GRID2: variants seen among roughly 807,000 people sequenced by gnomAD.
GRID2 encodes the protein glutamate ionotropic receptor delta type subunit 2.
GRID2 carries 33 observed loss-of-function variants against 114.8 expected under a neutral mutation model. The ratio of observed to expected loss-of-function variants is 0.29; its 90% CI spans 0.22 to 0.38. The LOEUF is 0.38. GRID2 is among the 10% of genes least tolerant of loss of function. GRID2 has a pLI of 1.00. For synonymous variants in GRID2, 505 were observed against 449.9 expected (o/e 1.12, Z -1.55); for missense variants, 1,184 against 1,257.7 (o/e 0.94, Z 0.89).
chr4:93,674,386 C>CA (rs1724676491), intron 14 of GRID2, among the ~76,000 whole-genome samples: 1 of 152,104 alleles, frequency 6.6e-6, no homozygotes, highest in East Asian at 1.9e-4. Context: ...AGGTACAATG[C>CA]TGTGCAGTCT....
At chr4:93,601,802 C>A (rs1309292713) in intron 13 of GRID2, among the ~76,000 whole-genome samples, 1 of 152,118 alleles carries the variant, frequency 6.6e-6, no homozygotes, top group Non-Finnish European at 1.5e-5. Flanking sequence ...GATTCTCTGG[C>A]TTCTTTGAAA....
At chr4:93,594,482 C>T (rs935828687) in intron 13 of GRID2, among the ~76,000 whole-genome samples, 24 of 152,176 alleles carry the variant, frequency 1.6e-4, no homozygotes, top group Admixed American at 6.5e-5. Flanking sequence ...ACATTTAAGT[C>T]TGCAGAGGTT....
chr4:93,675,138 C>T (rs1031254587), intron 14 of GRID2, among the ~76,000 whole-genome samples: 2 of 152,054 alleles, frequency 1.3e-5, no homozygotes, highest in African/African-American at 4.8e-5. Context: ...TCACAAATAA[C>T]GTGAACCTGT....
rs114397505 is a variant in GRID2 at position 92,654,429 on chromosome 4, C to T, written c.244+64143C>T. Among the ~76,000 whole-genome samples, 709 of 152,162 alleles carry T rather than the reference C, an allele frequency of 4.7e-3. 5 individuals carry two copies. Among genetic ancestry groups the T allele is most frequent in the African/African-American group, 0.016 (671 of 41,542 alleles). ...GGAGATACAAAGATTCAATCCATAA[C>T]ACTGCCCATACACTGAAGATTTCAA... is the stretch of plus-strand genomic sequence containing the variant. On this transcript the variant is annotated intron_variant, in intron 2 of 15. Coordinates refer to ENST00000282020, the MANE Select transcript of GRID2 (RefSeq NM_001510.4).
chr4:93,466,390 C>T lies in GRID2; in HGVS notation c.1858+10416C>T, dbSNP rs998013627. On this transcript the variant is annotated intron_variant, in intron 11 of 15. Coordinates refer to ENST00000282020, the MANE Select transcript of GRID2 (RefSeq NM_001510.4). ...GCAAGACAGAGGTAGAAGAAAACAGCTTTATTGAAGAGGCAGTGTTGTTAC... is the reference window on the plus strand; with the variant it reads ...GCAAGACAGAGGTAGAAGAAAACAGTTTTATTGAAGAGGCAGTGTTGTTAC... 9.8e-5 allele frequency among the ~76,000 whole-genome samples: 15 copies of T among 152,302 alleles called. No individual in the cohort carries two copies. In the South Asian group the frequency reaches 1.9e-3, roughly 19 times the overall value.
In GRID2 at chr4:93,115,316, T is replaced by C. The variant is rs116329381; in HGVS notation, c.735+4363T>C. On this transcript the variant is annotated intron_variant, in intron 4 of 15. Coordinates refer to ENST00000282020, the MANE Select transcript of GRID2 (RefSeq NM_001510.4). ...TCAAAATTTAAAAGGTTCAACAAGGTAATATCCTGCCACTGTTCCTCAAAC... is the reference window on the plus strand; with the variant it reads ...TCAAAATTTAAAAGGTTCAACAAGGCAATATCCTGCCACTGTTCCTCAAAC... Among the ~76,000 whole-genome samples, 742 of 151,752 alleles carry C rather than the reference T, an allele frequency of 4.9e-3. 11 individuals are homozygous for C. The highest frequency in any genetic ancestry group is 0.017 in the African/African-American group (712 of 41,406).
intron 13 of GRID2, among the ~76,000 whole-genome samples, chr4:93,606,510 C>A (rs1740255644): frequency 6.6e-6 from 1 of 151,962 alleles, no homozygotes; most frequent in South Asian, 2.1e-4. Flanking sequence ...GGTTGTTTTA[C>A]AATATAATTT....
chr4:92,490,625 C>T (rs1177853480), intron 1 of GRID2, among the ~76,000 whole-genome samples: 1 of 152,038 alleles, frequency 6.6e-6, no homozygotes, highest in African/African-American at 2.4e-5. Flanking sequence ...GAATAATTAC[C>T]GTGGTACATT....
chr4:93,411,925 T>G (rs1204421251), intron 9 of GRID2, among the ~76,000 whole-genome samples: 1 of 151,638 alleles, frequency 6.6e-6, no homozygotes, highest in Non-Finnish European at 1.5e-5. Flanking sequence ...ACAGAGATAT[T>G]TTTGAATCTC....
rs192178609 is a variant in GRID2, at chr4:92,821,659, T to C, written c.244+231373T>C. Among the ~76,000 whole-genome samples the C allele has an allele frequency of 6.6e-5, 10 of 152,288 alleles. 1 individual carries two copies. The highest frequency in any genetic ancestry group is 1.3e-4 in the Non-Finnish European group (9 of 68,022). On this transcript the variant is annotated intron_variant, in intron 2 of 15. Transcript: ENST00000282020. Reference sequence around the variant, plus strand: ...TCTACTGTGATCAACTTACAAATTGTGTTGGAATCTGCCTGCATATAGCCC... The same window carrying C: ...TCTACTGTGATCAACTTACAAATTGCGTTGGAATCTGCCTGCATATAGCCC...
intron 1 of GRID2, among the ~76,000 whole-genome samples, chr4:92,318,574 GCA>G (rs1726134786): frequency 7.0e-6 from 1 of 143,224 alleles, no homozygotes; most frequent in African/African-American, 2.6e-5. Flanking sequence ...GAGTGCAGTG[GCA>G]CGCTCATGGC....
At chr4:92,478,018 T>A (rs1259428748) in intron 1 of GRID2, among the ~76,000 whole-genome samples, 2 of 151,576 alleles carry the variant, frequency 1.3e-5, no homozygotes, top group Non-Finnish European at 1.5e-5. Flanking sequence ...ACTAAATGAC[T>A]GCATAAGCAA....
intron 13 of GRID2, among the ~76,000 whole-genome samples, chr4:93,587,707 T>G (rs1737687641): frequency 6.6e-6 from 1 of 152,074 alleles, no homozygotes; most frequent in Non-Finnish European, 1.5e-5. Flanking sequence ...ATTTAGATAT[T>G]TTACTCCAAT....
At chr4:92,736,279 A>C (rs1411785040) in intron 2 of GRID2, among the ~76,000 whole-genome samples, 1 of 152,118 alleles carries the variant, frequency 6.6e-6, no homozygotes, top group African/African-American at 2.4e-5. Flanking sequence ...AGCATTTAAA[A>C]GTTGGAAAAG....
At chr4:92,594,801 G>C (rs1728869284) in intron 2 of GRID2, among the ~76,000 whole-genome samples, 1 of 151,832 alleles carries the variant, frequency 6.6e-6, no homozygotes, top group Non-Finnish European at 1.5e-5. Context: ...ACAACATTTA[G>C]CATAAATGTA....
chr4:92,886,628 T>C (rs1746384383), intron 2 of GRID2, among the ~76,000 whole-genome samples: 1 of 152,002 alleles, frequency 6.6e-6, no homozygotes, highest in Non-Finnish European at 1.5e-5. Flanking sequence ...ATTTTATTTA[T>C]TTGTATTTAT....
intron 13 of GRID2, among the ~76,000 whole-genome samples, chr4:93,619,403 C>T (rs1345920074): frequency 6.6e-6 from 1 of 152,144 alleles, no homozygotes. Flanking sequence ...ATTATAAGGA[C>T]CACTGTAAAT....
At chr4:92,653,393 A>G (rs1257013812) in intron 2 of GRID2, among the ~76,000 whole-genome samples, 1 of 151,566 alleles carries the variant, frequency 6.6e-6, no homozygotes, top group African/African-American at 2.4e-5. Flanking sequence ...AATTTCGGTT[A>G]CATACACACA....
chr4:93,030,608 C>A (rs536542230), intron 2 of GRID2, among the ~76,000 whole-genome samples: 1 of 152,086 alleles, frequency 6.6e-6, no homozygotes, highest in Non-Finnish European at 1.5e-5. Context: ...TGGTCTCGAA[C>A]TCCTGACCTC....
Sources: allele counts gnomAD v4.1 joint callset (sites outside exome capture counted in the v4.1 genomes callset), GRCh38; gene constraint gnomAD v4.1.1; transcripts MANE v1.5; gene names NCBI Gene and HGNC (gene_info 2026-07-23, HGNC 2026-07-21).